Variants in SPOCK3 observed in about 807,000 individuals in gnomAD.
The protein encoded by SPOCK3 is SPARC (osteonectin), cwcv and kazal like domains proteoglycan 3.
In SPOCK3, 30 loss-of-function variants were observed where a neutral mutation model predicts 56.6. The observed-to-expected ratio is 0.53, with a 90% CI of 0.40 to 0.72. The LOEUF (loss-of-function observed/expected upper bound fraction) is 0.72, where lower values mean the gene tolerates loss of function less well. SPOCK3 is among the 30% of genes least tolerant of loss of function. The probability of loss-of-function intolerance (pLI) is 0.00; values close to 1 mark genes in which losing one functional copy is unlikely to be tolerated. For synonymous variants in SPOCK3, 196 were observed against 183.3 expected (o/e 1.07, Z -0.56); for missense variants, 527 against 530.0 (o/e 0.99, Z 0.06).
intron 6 of SPOCK3, among the ~76,000 whole-genome samples, chr4:166,861,952 G>C (rs1240828090): frequency 3.9e-5 from 6 of 152,044 alleles, no homozygotes; most frequent in African/African-American, 1.4e-4. Flanking sequence ...GCAATCCCCA[G>C]ATAGTATTTT....
intron 2 of SPOCK3, among the ~76,000 whole-genome samples, chr4:167,173,098 T>C (rs764455068): frequency 6.6e-6 from 1 of 152,162 alleles, no homozygotes; most frequent in Admixed American, 6.6e-5. Flanking sequence ...TCCATGTTTA[T>C]GTTTCACTTG....
At chr4:167,201,621 A>G (rs1440151942) in intron 2 of SPOCK3, among the ~76,000 whole-genome samples, 1 of 151,986 alleles carries the variant, frequency 6.6e-6, no homozygotes, top group African/African-American at 2.4e-5. Context: ...ATATTCCCAC[A>G]TAAATATATG....
At chr4:166,740,367 C>T (rs1307151375) in intron 9 of SPOCK3, among the ~76,000 whole-genome samples, 1 of 151,570 alleles carries the variant, frequency 6.6e-6, no homozygotes, top group Non-Finnish European at 1.5e-5. Context: ...TAATAAAAAC[C>T]TGTATTCTAA....
At chr4:167,179,528 C>A (rs766496231) in intron 2 of SPOCK3, among the ~76,000 whole-genome samples, 1 of 152,064 alleles carries the variant, frequency 6.6e-6, no homozygotes, top group Non-Finnish European at 1.5e-5. Flanking sequence ...AATCAAGTAA[C>A]TTTTATTCAT....
At chr4:167,222,631 G>A (rs1417534122) in intron 2 of SPOCK3, among the ~76,000 whole-genome samples, 3 of 134,930 alleles carry the variant, frequency 2.2e-5, no homozygotes, top group African/African-American at 8.3e-5. Flanking sequence ...TATAAACATA[G>A]ATATATATTA....
chr4:166,769,798 G>A (rs1460944764), intron 7 of SPOCK3, among the ~76,000 whole-genome samples: 3 of 152,164 alleles, frequency 2.0e-5, no homozygotes, highest in Admixed American at 6.5e-5. Context: ...GGAGTCTACA[G>A]AGGCAGGCAG....
intron 6 of SPOCK3, among the ~76,000 whole-genome samples, chr4:166,888,481 G>A (rs944161110): frequency 6.6e-6 from 1 of 151,858 alleles, no homozygotes; most frequent in African/African-American, 2.4e-5. Context: ...TTTTAAAAAG[G>A]CATAAACAAT....
intron 4 of SPOCK3, among the ~76,000 whole-genome samples, chr4:166,957,065 C>T (rs1007390186): frequency 5.3e-5 from 8 of 152,050 alleles, no homozygotes; most frequent in African/African-American, 1.9e-4. Context: ...ACCAGCCTGG[C>T]CAACATGGTG....
chr4:166,988,700 C>T (rs1261770935), intron 4 of SPOCK3, among the ~76,000 whole-genome samples: 1 of 152,034 alleles, frequency 6.6e-6, no homozygotes, highest in Non-Finnish European at 1.5e-5. Context: ...GGTCTAAATT[C>T]AACTCCTAGC....
intron 3 of SPOCK3, among the ~76,000 whole-genome samples, chr4:167,057,661 AAACC>A (rs1337119284): frequency 6.6e-6 from 1 of 152,184 alleles, no homozygotes. Context: ...AACAGACTTT[AAACC>A]AACAAAGATC....
At chr4:167,060,751 T>C (rs912169336) in intron 3 of SPOCK3, among the ~76,000 whole-genome samples, 4 of 152,096 alleles carry the variant, frequency 2.6e-5, no homozygotes, top group African/African-American at 4.8e-5. Context: ...AGTGGTAATA[T>C]TGCATAGCAG....
chr4:167,014,414 G>A (rs1750398847), intron 3 of SPOCK3, among the ~76,000 whole-genome samples: 1 of 151,928 alleles, frequency 6.6e-6, no homozygotes, highest in Admixed American at 6.6e-5. Context: ...GGGAGGAAGA[G>A]GCAGGAGGAT....
At chr4:166,775,217 G>C (rs1343765927) in intron 7 of SPOCK3, among the ~76,000 whole-genome samples, 1 of 152,140 alleles carries the variant, frequency 6.6e-6, no homozygotes, top group Admixed American at 6.6e-5. Context: ...GACTGGAGTA[G>C]AGTGGATGAG....
At position 167,108,963 on chromosome 4, in the gene SPOCK3, ATAAATATATAAATAT is replaced by A. The variant is rs1442967273; in HGVS notation, c.190-46441_190-46427del. 3.9e-3 allele frequency among the ~76,000 whole-genome samples: 333 copies of A among 85,300 alleles called. 4 individuals carry two copies. Among genetic ancestry groups the A allele is most frequent in the African/African-American group, 9.1e-3 (150 of 16,544 alleles). 56.0% of individuals were successfully genotyped at this position (85,300 alleles called of 152,430 possible). ...TATTTATATTATAAATATTATATAT[ATAAATATATAAATAT>A]TATAAATATATATTTATATATATAT... is the stretch of plus-strand genomic sequence containing the variant. On this transcript the variant is annotated intron_variant, in intron 2 of 10. Coordinates refer to ENST00000357545, the MANE Select transcript of SPOCK3 (RefSeq NM_001040159.2).
chr4:166,948,206 C>T lies in SPOCK3; in HGVS notation c.351-35463G>A, dbSNP rs190123365. On this transcript the variant is annotated intron_variant, in intron 4 of 10. Transcript: ENST00000357545. ...CAAATGACAGGACGTTTTTAATGGT[C>T]GAATAGTATTCCATTGTGCATATAT... Among the ~76,000 whole-genome samples the T allele has an allele frequency of 1.9e-3, 288 of 152,106 alleles. 1 individual carries two copies. Among genetic ancestry groups the T allele is most frequent in the African/African-American group, 6.8e-3 (283 of 41,500 alleles).
chr4:167,157,910 C>T lies in SPOCK3; in HGVS notation c.189+76075G>A, dbSNP rs539135131. On this transcript the variant is annotated intron_variant, in intron 2 of 10. Transcript: ENST00000357545. ...GTAATGAAAGTAATAGGGTTTGCAA[C>T]GAGCCCTATATGCAAGTCATTGTGG... 4.5e-4 allele frequency among the ~76,000 whole-genome samples: 68 copies of T among 152,006 alleles called. 1 individual carries two copies. Among genetic ancestry groups the T allele is most frequent in the South Asian group, 2.7e-3 (13 of 4,826 alleles).
intron 3 of SPOCK3, among the ~76,000 whole-genome samples, chr4:167,056,137 G>C (rs533722034): frequency 1.3e-5 from 2 of 152,240 alleles, no homozygotes; most frequent in East Asian, 3.9e-4. Context: ...AGCAGCATTC[G>C]CGGTTCACAA....
At chr4:167,007,875 A>C (rs1296623764) in intron 3 of SPOCK3, among the ~76,000 whole-genome samples, 2 of 152,186 alleles carry the variant, frequency 1.3e-5, no homozygotes, top group Non-Finnish European at 2.9e-5. Flanking sequence ...CATTGGCCAC[A>C]GTCTAATGAT....
chr4:166,913,326 A>G (rs1227957974), intron 4 of SPOCK3, among the ~76,000 whole-genome samples: 1 of 152,124 alleles, frequency 6.6e-6, no homozygotes, highest in Admixed American at 6.6e-5. Context: ...GAATAACTGG[A>G]AAAAAATCCA....
Sources: allele counts gnomAD v4.1 joint callset (sites outside exome capture counted in the v4.1 genomes callset), GRCh38; gene constraint gnomAD v4.1.1; transcripts MANE v1.5; gene names NCBI Gene and HGNC (gene_info 2026-07-23, HGNC 2026-07-21).